Variants in NRP2 observed in about 807,000 individuals in gnomAD.
The protein encoded by NRP2 is neuropilin 2.
Under a neutral mutation model 110.4 loss-of-function variants are expected in NRP2, and 52 were observed. The observed-to-expected ratio is 0.47, with a 90% CI of 0.38 to 0.59. NRP2 has a LOEUF of 0.59. Ranked by LOEUF, NRP2 falls within the 20% of genes least tolerant of loss-of-function variation. The probability of loss-of-function intolerance (pLI) is 0.00; values close to 1 mark genes in which losing one functional copy is unlikely to be tolerated. For missense variants in NRP2, 1,049 were observed against 1,203.0 expected (o/e 0.87, Z 1.89); for synonymous variants, 508 against 468.9 (o/e 1.08, Z -1.08).
intron 2 of NRP2, among the ~76,000 whole-genome samples, chr2:205,708,293 C>T (rs1390541498): frequency 1.3e-5 from 2 of 152,216 alleles, no homozygotes; most frequent in Non-Finnish European, 2.9e-5. Flanking sequence ...CCATTCCTTA[C>T]ATAAGCAAAC....
At chr2:205,750,237 A>G (rs2057619352) in intron 11 of NRP2, among the ~76,000 whole-genome samples, 1 of 152,242 alleles carries the variant, frequency 6.6e-6, no homozygotes, top group South Asian at 2.1e-4. Flanking sequence ...TGTATGCTAC[A>G]GCGAAGTGAA....
rs1334028045 is a variant in NRP2, at chr2:205,726,064, C to T, written c.972C>T (p.Ser324=). The T allele has an allele frequency of 3.7e-6, 6 of 1,614,056 alleles. No individual in the cohort carries two copies. The highest frequency in any genetic ancestry group is 5.1e-6 in the Non-Finnish European group (6 of 1,180,036). ...DDNGWTPNLD[S]NKEYLQVDLR... ...ATGGCTGGACCCCCAACTTGGATTCCAACAAGGAGTATCTCCAGGTACTTG... is the reference window on the plus strand; with the variant it reads ...ATGGCTGGACCCCCAACTTGGATTCTAACAAGGAGTATCTCCAGGTACTTG... The change falls in exon 6 of 17, where the codon TCC becomes TCT. Residue 324 remains serine, a synonymous_variant. Coordinates refer to ENST00000357785, the MANE Select transcript of NRP2 (RefSeq NM_003872.3).
rs2056164373 is a variant in NRP2, at chr2:205,686,378, C to G, written c.73+3015C>G. On this transcript the variant is annotated intron_variant, in intron 1 of 16. Transcript: ENST00000357785. The surrounding 1 kb of genome is among the most constrained non-coding windows in gnomAD (Gnocchi z 4.7). ...GCGAGTTCCCGCCTCCCCTCCCCAGCCGCCTCGCTCTTTGCTTTTCCACGT... is the reference window on the plus strand; with the variant it reads ...GCGAGTTCCCGCCTCCCCTCCCCAGGCGCCTCGCTCTTTGCTTTTCCACGT... Among the ~76,000 whole-genome samples, 2 of 152,182 alleles carry G rather than the reference C, an allele frequency of 1.3e-5. No homozygotes were observed. Among genetic ancestry groups the G allele is most frequent in the South Asian group, 4.1e-4 (2 of 4,832 alleles).
intron 2 of NRP2, among the ~76,000 whole-genome samples, chr2:205,707,911 C>T (rs1028136522): frequency 6.6e-6 from 1 of 152,160 alleles, no homozygotes; most frequent in African/African-American, 2.4e-5. Context: ...CCCATGCAGG[C>T]AGCCCCACCG....
intron 7 of NRP2, among the ~76,000 whole-genome samples, chr2:205,736,946 G>C (rs1311019671): frequency 1.3e-5 from 2 of 152,176 alleles, no homozygotes; most frequent in East Asian, 3.8e-4. Context: ...GCATTTACTA[G>C]CTATAAATAG....
intron 15 of NRP2, chr2:205,776,408 C>A: frequency 6.2e-7 from 1 of 1,613,606 alleles, no homozygotes; most frequent in African/African-American, 1.3e-5. Flanking sequence ...CGCTATGCGG[C>A]CAAGAAGACC....
chr2:205,734,529 A>G (rs1575602491), intron 7 of NRP2, among the ~76,000 whole-genome samples: 1 of 152,044 alleles, frequency 6.6e-6, no homozygotes, highest in Non-Finnish European at 1.5e-5. Flanking sequence ...GGCTGGTTTC[A>G]GAGCAGATGC....
intron 12 of NRP2, chr2:205,761,336 A>G (rs1407303510): frequency 1.3e-5 from 2 of 152,196 alleles, no homozygotes; most frequent in Non-Finnish European, 2.9e-5. Context: ...AAACCTTATT[A>G]TTTGTAAGAC....
intron 2 of NRP2, 107 bp downstream of exon 2, chr2:205,697,828 C>A: frequency 8.9e-7 from 1 of 1,129,680 alleles, no homozygotes. Context: ...AGACCTGCTG[C>A]TAACCAGTGG....
chr2:205,748,033 TACAA>T (rs1351264053), intron 10 of NRP2, among the ~76,000 whole-genome samples: 1 of 151,808 alleles, frequency 6.6e-6, no homozygotes, highest in East Asian at 1.9e-4. Context: ...GAGCACCCAG[TACAA>T]ACATAGTACA....
At chr2:205,710,147 T>C (rs1033873695) in intron 2 of NRP2, among the ~76,000 whole-genome samples, 1 of 152,240 alleles carries the variant, frequency 6.6e-6, no homozygotes, top group African/African-American at 2.4e-5. Context: ...AAGGATTCTT[T>C]ACACCTGGTA....
chr2:205,766,009 T>G (rs892695514), intron 14 of NRP2, among the ~76,000 whole-genome samples: 2 of 152,228 alleles, frequency 1.3e-5, no homozygotes, highest in Non-Finnish European at 2.9e-5. Context: ...TGAGTAGTTA[T>G]TTTACATGAA....
At chr2:205,723,709 G>A (rs1281456408) in intron 4 of NRP2, 76 bp from the exon 5 acceptor site, 20 of 1,462,748 alleles carry the variant, frequency 1.4e-5, no homozygotes, top group Non-Finnish European at 1.9e-5. Flanking sequence ...AATGCAATGA[G>A]GGGAAGGGAA....
chr2:205,791,167 G>A (rs531644295), intron 15 of NRP2, among the ~76,000 whole-genome samples: 2 of 152,198 alleles, frequency 1.3e-5, no homozygotes, highest in Non-Finnish European at 2.9e-5. Context: ...ATGGTCTAAA[G>A]TTCTTTTTCT....
At chr2:205,739,730 T>C (rs2057407619) in intron 7 of NRP2, among the ~76,000 whole-genome samples, 1 of 141,596 alleles carries the variant, frequency 7.1e-6, no homozygotes. Flanking sequence ...AAGCATAAGG[T>C]CCATATGGCA....
intron 6 of NRP2, 107 bp downstream of exon 6, chr2:205,726,189 C>A: frequency 8.9e-7 from 1 of 1,127,452 alleles, no homozygotes; most frequent in Non-Finnish European, 1.3e-6. Context: ...ATAAACACAG[C>A]ATACCTGAGA....
chr2:205,685,138 C>G (rs73983214), intron 1 of NRP2, among the ~76,000 whole-genome samples: 8 of 152,226 alleles, frequency 5.3e-5, no homozygotes, highest in Admixed American at 4.6e-4. Flanking sequence ...GACCCACTCC[C>G]GCTCTGCCAC....
At position 205,765,476 on chromosome 2, in the gene NRP2, T is replaced by C; in HGVS notation, c.2310T>C (p.Ile770=). 6.2e-7 allele frequency: 1 copy of C among 1,613,908 alleles called. No homozygotes were observed. The highest frequency in any genetic ancestry group is 8.5e-7 in the Non-Finnish European group (1 of 1,179,816). The stretch of plus-strand genomic sequence containing the variant: ...GCTCTTATTCTTCCGGCTTCTAGAT[T>C]GTGTTCGAGGGAGTGATAGGGAAAG... ...ILPSYDMEYQ[I]VFEGVIGKGR... The change falls in exon 14 of 17, where the codon ATT becomes ATC. Residue 770 remains isoleucine (I), a splice_region_variant and synonymous_variant. Transcript: ENST00000357785.
At chr2:205,758,454 A>T (rs1268887150) in intron 12 of NRP2, among the ~76,000 whole-genome samples, 2 of 152,234 alleles carry the variant, frequency 1.3e-5, no homozygotes, top group Non-Finnish European at 2.9e-5. Flanking sequence ...TTCACATGAC[A>T]CTTAAGCAGC....
Sources: allele counts gnomAD v4.1 joint callset (sites outside exome capture counted in the v4.1 genomes callset), GRCh38; gene constraint gnomAD v4.1.1; non-coding constraint Gnocchi (gnomAD v3.1); transcripts MANE v1.5; gene names NCBI Gene and HGNC (gene_info 2026-07-23, HGNC 2026-07-21).